SLFN13: variants seen among roughly 807,000 people sequenced by gnomAD.
SLFN13 encodes schlafen-13.
In SLFN13, 43 loss-of-function variants were observed where a neutral mutation model predicts 50.6. The ratio of observed to expected loss-of-function variants is 0.85; its 90% CI spans 0.67 to 1.09. The LOEUF is 1.09. SLFN13 is among the 50% of genes least tolerant of loss of function. SLFN13 has a pLI of 0.00. For missense variants in SLFN13, 881 were observed against 1,071.1 expected (o/e 0.82, Z 2.48); for synonymous variants, 339 against 386.5 (o/e 0.88, Z 1.44).
At position 35,440,564 on chromosome 17, in the gene SLFN13, T is replaced by G; in HGVS notation, c.*31A>C. 6.2e-7 allele frequency: 1 copy of G among 1,609,740 alleles called. No homozygotes were observed. Among genetic ancestry groups the G allele is most frequent in the Non-Finnish European group, 8.5e-7 (1 of 1,176,924 alleles). On this transcript the variant is annotated 3_prime_UTR_variant, in exon 6 of 6. Transcript: ENST00000285013. ...GTCACCCATAGACATTTACACAGTA[T>G]TTTGGTTTGGAGTTCTTCCTAATAG...
Position 35,444,655 on chromosome 17 carries a change from T to C in SLFN13, c.1026A>G (p.Thr342=), listed in dbSNP as rs149894896. 1.1e-5 allele frequency: 18 copies of C among 1,614,088 alleles called. No homozygotes were observed. The African/African-American group carries it at 2.0e-4, about 18-fold the overall frequency. Reference sequence around the variant, plus strand: ...TCATTTTCTCTACCCATTCCTCAGTTGTCAAGGGGCGGATGTACTTCTCCC... The same window carrying C: ...TCATTTTCTCTACCCATTCCTCAGTCGTCAAGGGGCGGATGTACTTCTCCC... ...MVREKYIRPL[T]TEEWVEKMMD... is the part of the protein sequence containing the mutation. The change falls in exon 3 of 6, where the codon ACA becomes ACG. Residue 342 remains threonine, a synonymous_variant. Coordinates refer to ENST00000285013, the MANE Select transcript of SLFN13 (RefSeq NM_144682.6).
rs757564206 is a variant in SLFN13, at chr17:35,441,163, T to C, written c.2126A>G (p.His709Arg). The C allele has an allele frequency of 1.9e-6, 3 of 1,613,950 alleles. No homozygotes were observed. The South Asian group carries it at 3.3e-5, about 18-fold the overall frequency. The part of the protein sequence containing the change: ...WIFLDYFQTS[H>R]LGHSGLPPLS... ...AGGGGGAAGGCCACTGTGACCCAAG[T>C]GACTGGTCTGAAAGTAGTCCAGAAA... The change falls in exon 6 of 6, where the codon CAC becomes CGC. Residue 709 changes from histidine to arginine, a missense_variant. This residue lies in a region of SLFN13 where 322 missense variants were observed against 327.4 expected (regional missense o/e 0.98). Coordinates refer to ENST00000285013, the MANE Select transcript of SLFN13 (RefSeq NM_144682.6).
intron 4 of SLFN13, among the ~76,000 whole-genome samples, chr17:35,443,277 G>A (rs77227645): frequency 1.1e-4 from 17 of 152,078 alleles, no homozygotes; most frequent in East Asian, 9.6e-4. Flanking sequence ...TTAGCGAGTC[G>A]TTCCCTCTAG....
At position 35,440,429 on chromosome 17, in the gene SLFN13, C is replaced by T. The variant is rs1412386551; in HGVS notation, c.*166G>A. The stretch of plus-strand genomic sequence containing the variant: ...GCTGAAAAGAGTTGGGGGAGGAACC[C>T]CTGAAAGGAGAGCCAGAAATGGGGG... On this transcript the variant is annotated 3_prime_UTR_variant, in exon 6 of 6. Transcript: ENST00000285013. 4 of 802,474 alleles carry T rather than the reference C, an allele frequency of 5.0e-6. No homozygotes were observed. The highest frequency in any genetic ancestry group is 3.7e-5 in the South Asian group (2 of 54,246). The allele number at this position is 802,474 out of a possible 1,614,324, so 49.7% of individuals were successfully genotyped here. A position where few individuals can be genotyped will look rare whatever the true frequency, so the allele number is the denominator to read the frequency against.
At chr17:35,445,833 T>C (rs1913189342) in intron 2 of SLFN13, 140 bp from the exon 3 acceptor site, 2 of 705,154 alleles carry the variant, frequency 2.8e-6, no homozygotes, top group South Asian at 4.9e-5. Context: ...ATAGTCTCTT[T>C]AGGAGCTGAC....
At position 35,440,955 on chromosome 17, in the gene SLFN13, C is replaced by T. The variant is rs772438997; in HGVS notation, c.2334G>A (p.Lys778=). 53 of 1,613,248 alleles carry T rather than the reference C, an allele frequency of 3.3e-5. No homozygotes were observed. Among genetic ancestry groups the T allele is most frequent in the Non-Finnish European group, 4.5e-5 (53 of 1,180,036 alleles). The change falls in exon 6 of 6, where the codon AAG becomes AAA. Residue 778 remains lysine, a synonymous_variant. Transcript: ENST00000285013. ...GCTCCAAAGTAAAGTTTTTAATAATCTTTGTGTTGCCTGGAACACCTGGAA... is the reference window on the plus strand; with the variant it reads ...GCTCCAAAGTAAAGTTTTTAATAATTTTTGTGTTGCCTGGAACACCTGGAA... ...KWVPGVPGNT[K]IIKNFTLEQI...
chr17:35,445,010 T>C lies in SLFN13; in HGVS notation c.671A>G (p.Gln224Arg). 6.2e-7 allele frequency: 1 copy of C among 1,614,132 alleles called. No individual in the cohort carries two copies. Among genetic ancestry groups the C allele is most frequent in the Non-Finnish European group, 8.5e-7 (1 of 1,180,020 alleles). Reference sequence around the variant, plus strand: ...CTCTGGAATTATATTTTCTACATATTGTTGGATATGTTTTGTAGAGAACTG... The same window carrying C: ...CTCTGGAATTATATTTTCTACATATCGTTGGATATGTTTTGTAGAGAACTG... ...FKQFSTKHIQ[Q>R]YVENIIPEYI... The change falls in exon 3 of 6, where the codon CAA becomes CGA. Residue 224 changes from glutamine to arginine, a missense_variant. Physicochemically the swap from Gln to Arg is conservative, Grantham distance 43. Coordinates refer to ENST00000285013, the MANE Select transcript of SLFN13 (RefSeq NM_144682.6).
In SLFN13 at chr17:35,442,305, G is replaced by C. The variant is rs113457147; in HGVS notation, c.1199-19C>G. 3.4e-4 allele frequency: 521 copies of C among 1,538,844 alleles called. 3 individuals carry two copies. In the African/African-American group the frequency reaches 6.2e-3, roughly 18 times the overall value. On this transcript the variant is annotated intron_variant, in intron 4 of 5. Coordinates refer to ENST00000285013, the MANE Select transcript of SLFN13 (RefSeq NM_144682.6). The stretch of plus-strand genomic sequence containing the variant: ...GGTGGAACTAGACAGGAAGAAAATA[G>C]AAAGATGTTTTCACTGTGTTTATGT...
Position 35,445,607 on chromosome 17 carries a change from G to A in SLFN13, c.74C>T (p.Thr25Ile). The change falls in exon 3 of 6, where the codon ACT becomes ATT. Residue 25 changes from threonine (T) to isoleucine (I), a missense_variant. Physicochemically the swap from Thr to Ile is moderately conservative, Grantham distance 89. This residue lies in a region of SLFN13 where 497 missense variants were observed against 518.3 expected (regional missense o/e 0.96). Coordinates refer to ENST00000285013, the MANE Select transcript of SLFN13 (RefSeq NM_144682.6). The stretch of plus-strand genomic sequence containing the variant: ...CTTTTTTCTGTTTTCTTCTCCCAGA[G>A]TCACTTCTCCGACATCGATGACCAG... The part of the protein sequence containing the change: ...PDLVIDVGEV[T>I]LGEENRKKLQ... 4 of 1,614,064 alleles carry A rather than the reference G, an allele frequency of 2.5e-6. No individual in the cohort carries two copies. The highest frequency in any genetic ancestry group is 2.5e-6 in the Non-Finnish European group (3 of 1,180,024).
At chr17:35,447,671 C>T (rs1597811799) in intron 1 of SLFN13, among the ~76,000 whole-genome samples, 2 of 152,276 alleles carry the variant, frequency 1.3e-5, no homozygotes, top group Non-Finnish European at 2.9e-5. Flanking sequence ...TAGTCTCAGG[C>T]AGAAACAGAA....
chr17:35,444,533 G>T (rs1567863448), intron 3 of SLFN13, 82 bp downstream of exon 3: 1 of 1,269,060 alleles, frequency 7.9e-7, no homozygotes, highest in African/African-American at 1.5e-5. Context: ...GTGTGAGAAG[G>T]TCAAGCTTAG....
At chr17:35,449,221 C>A, upstream of SLFN13, among the ~76,000 whole-genome samples, 1 of 147,572 alleles carries the variant, frequency 6.8e-6, no homozygotes, top group African/African-American at 2.5e-5. Context: ...GCTTGGGCGA[C>A]AGAGTGAGAG....
At position 35,440,618 on chromosome 17, in the gene SLFN13, G is replaced by C. The variant is rs952147521; in HGVS notation, c.2671C>G (p.Gln891Glu). ...ILICLASRAK[Q>E]HLYIFL is the part of the protein sequence containing the mutation. The stretch of plus-strand genomic sequence containing the variant: ...CTTCACAGAAAAATATATAGGTGCT[G>C]TTTTGCCCTGGAAGCCAGACAGATC... The change falls in exon 6 of 6, where the codon CAG becomes GAG. Residue 891 changes from glutamine (Q) to glutamate (E), a missense_variant. Transcript: ENST00000285013. The C allele has an allele frequency of 1.6e-5, 26 of 1,614,184 alleles. No individual in the cohort carries two copies. In the East Asian group the frequency reaches 5.3e-4, roughly 33 times the overall value.
In SLFN13 at chr17:35,440,278, T is replaced by G; in HGVS notation, c.*317A>C. The G allele has an allele frequency of 3.6e-6, 1 of 276,918 alleles. No homozygotes were observed. Among genetic ancestry groups the G allele is most frequent in the South Asian group, 1.2e-4 (1 of 8,664 alleles). The allele number at this position is 276,918 out of a possible 1,614,324, so 17.2% of individuals were successfully genotyped here. On this transcript the variant is annotated 3_prime_UTR_variant, in exon 6 of 6. Coordinates refer to ENST00000285013, the MANE Select transcript of SLFN13 (RefSeq NM_144682.6). ...AAGGCCACAGGCTGAGTTTCTTATT[T>G]TTATGGCTTTTACCCAGAGAGCAAG... is the stretch of plus-strand genomic sequence containing the variant.
rs7214751 is a variant in SLFN13 at position 35,441,918 on chromosome 17, C to T, written c.1567G>A (p.Ala523Thr). 252,690 of 1,579,600 alleles carry T rather than the reference C, an allele frequency of 0.16. 1,926 individuals are homozygous for T. The highest frequency in any genetic ancestry group is 0.33 in the South Asian group (28,451 of 87,010). ...KVLCLSPESS[A>T]EALEAAVSPM... is the part of the protein sequence containing the mutation. The stretch of plus-strand genomic sequence containing the variant: ...GACACTGCAGCCTCCAAGGCCTCTG[C>T]GCTGCTCTCAGGACTCAGGCAGAGG... Residue 523 changes from alanine to threonine, a missense_variant, in exon 5 of 6, where the codon GCA (alanine) becomes ACA (threonine). By Grantham distance (58) the Ala-to-Thr change is moderately conservative. Transcript: ENST00000285013.
At position 35,445,349 on chromosome 17, in the gene SLFN13, G is replaced by C. The variant is rs760521027; in HGVS notation, c.332C>G (p.Ser111Cys). The C allele has an allele frequency of 9.3e-6, 15 of 1,613,812 alleles. No individual in the cohort carries two copies. Among genetic ancestry groups the C allele is most frequent in the Non-Finnish European group, 1.2e-5 (14 of 1,179,974 alleles). The change falls in exon 3 of 6, where the codon TCT becomes TGT. Residue 111 changes from serine (S) to cysteine (C), a missense_variant. Ser to Cys is a moderately radical substitution (Grantham distance 112). Coordinates refer to ENST00000285013, the MANE Select transcript of SLFN13 (RefSeq NM_144682.6). ...TTTAAGGAAAGGATCACCACTCCAA[G>C]ATTTAACAAAAATATAAAAACACCT... is the stretch of plus-strand genomic sequence containing the variant. ...HGRCFYIFVK[S>C]WSGDPFLKDG...
chr17:35,445,305 G>A lies in SLFN13; in HGVS notation c.376C>T (p.Arg126Cys), dbSNP rs770702469. The A allele has an allele frequency of 1.5e-5, 24 of 1,613,566 alleles. No homozygotes were observed. Among genetic ancestry groups the A allele is most frequent in the East Asian group, 6.7e-5 (3 of 44,894 alleles). Residue 126 changes from arginine (R) to cysteine (C), a missense_variant, in exon 3 of 6, where the codon CGC (arginine) becomes TGC (cysteine). By Grantham distance (180) the Arg-to-Cys change is radical. Transcript: ENST00000285013. ...PFLKDGSFNSRICSLSSSLYC... is the reference protein window; with the variant it reads ...PFLKDGSFNSCICSLSSSLYC... ...AATGAAGAACTAAGGCTGCAAATGCGGGAATTGAAAGAACCATCTTTAAGG... is the reference window on the plus strand; with the variant it reads ...AATGAAGAACTAAGGCTGCAAATGCAGGAATTGAAAGAACCATCTTTAAGG...
Position 35,444,624 on chromosome 17 carries a change from C to G in SLFN13, c.1057G>C (p.Ala353Pro), listed in dbSNP as rs541429130. 6.2e-7 allele frequency: 1 copy of G among 1,613,524 alleles called. No individual in the cohort carries two copies. Residue 353 changes from alanine (A) to proline (P), a missense_variant, in exon 3 of 6, where the codon GCA becomes CCA. Ala to Pro is a conservative substitution (Grantham distance 27). Transcript: ENST00000285013. ...TEEWVEKMMD[A>P]DPEFPPDFAE... ...TCTGGTTCCCTCTTACCTGGATCTGCGTCCATCATTTTCTCTACCCATTCC... is the reference window on the plus strand; with the variant it reads ...TCTGGTTCCCTCTTACCTGGATCTGGGTCCATCATTTTCTCTACCCATTCC...
chr17:35,444,813 G>C lies in SLFN13; in HGVS notation c.868C>G (p.Pro290Ala), dbSNP rs1345002569. 52 of 1,614,046 alleles carry C rather than the reference G, an allele frequency of 3.2e-5. No individual in the cohort carries two copies. The highest frequency in any genetic ancestry group is 4.1e-5 in the Non-Finnish European group (48 of 1,180,030). Residue 290 changes from proline to alanine, a missense_variant, in exon 3 of 6, where the codon CCT (proline) becomes GCT (alanine). Transcript: ENST00000285013. The part of the protein sequence containing the change: ...LPIVHFCSSK[P>A]RVEYSTKIVE... ...ATTTTGGTGCTGTACTCTACCCGAG[G>C]TTTTGAAGAGCAAAAATGAACAATG...
Sources: allele counts gnomAD v4.1 joint callset (sites outside exome capture counted in the v4.1 genomes callset), GRCh38; gene constraint gnomAD v4.1.1; regional missense constraint gnomAD v4.1.1; transcripts MANE v1.5; gene names NCBI Gene and HGNC (gene_info 2026-07-23, HGNC 2026-07-21).